The following EYS variants were observed in gnomAD, a reference collection of about 807,000 sequenced individuals.
EYS encodes the protein protein eyes shut homolog.
EYS carries 250 observed loss-of-function variants against 282.1 expected under a neutral mutation model. The observed-to-expected ratio is 0.89, with a 90% CI of 0.80 to 0.98. The LOEUF is 0.98. Ranked by LOEUF, EYS falls within the 50% of genes least tolerant of loss-of-function variation. The pLI, the probability that EYS is intolerant of heterozygous loss-of-function variation, is 0.00. For missense variants in EYS, 4,016 were observed against 3,709.0 expected, an observed-to-expected ratio of 1.08 and a Z score of -2.15; for synonymous variants, 1,355 against 1,282.9, an observed-to-expected ratio of 1.06 and a Z score of -1.20.
chr6:65,218,627 A>G (rs570709101), intron 12 of EYS, among the ~76,000 whole-genome samples: 3 of 152,282 alleles, frequency 2.0e-5, no homozygotes, highest in South Asian at 4.1e-4. Context: ...AAAACACATG[A>G]ATCAGACTTC....
intron 22 of EYS, among the ~76,000 whole-genome samples, chr6:64,707,476 T>C (rs541903305): frequency 6.6e-6 from 1 of 152,120 alleles, no homozygotes; most frequent in Non-Finnish European, 1.5e-5. Context: ...AAGACCATCC[T>C]GGCTAACACA....
intron 28 of EYS, among the ~76,000 whole-genome samples, chr6:64,421,990 G>A (rs1299661908): frequency 6.6e-6 from 1 of 151,192 alleles, no homozygotes; most frequent in Non-Finnish European, 1.5e-5. Flanking sequence ...AACGATTTTG[G>A]CTCCTCCCAA....
At chr6:65,338,652 G>C (rs142392441) in intron 10 of EYS, among the ~76,000 whole-genome samples, 283 of 150,814 alleles carry the variant, frequency 1.9e-3, no homozygotes, top group African/African-American at 6.3e-3. Context: ...TAAATTAGAA[G>C]TTTTATTCTA....
chr6:65,591,283 C>G (rs1765223520), intron 2 of EYS, among the ~76,000 whole-genome samples: 1 of 150,962 alleles, frequency 6.6e-6, no homozygotes. Context: ...CTTATTGCAG[C>G]CCTGACTCCA....
At chr6:64,746,810 T>C (rs1482196473) in intron 22 of EYS, among the ~76,000 whole-genome samples, 1 of 152,260 alleles carries the variant, frequency 6.6e-6, no homozygotes, top group Non-Finnish European at 1.5e-5. Context: ...AATCCTCCTG[T>C]AGGTTGTCCA....
chr6:64,366,331 T>C (rs1374760019), intron 29 of EYS, among the ~76,000 whole-genome samples: 1 of 151,904 alleles, frequency 6.6e-6, no homozygotes, highest in South Asian at 2.1e-4. Flanking sequence ...TCCAAGAAAG[T>C]TGAGATGGTC....
rs886546419 is a variant in EYS at position 64,021,449 on chromosome 6, A to G, written c.6726-22266T>C. ...CAGGGATGCTGGCAAACTTCCTACA[A>G]TGCACAGGACTGCCTGGAATAATAA... On this transcript the variant is annotated intron_variant, in intron 33 of 42. Transcript: ENST00000503581. Among the ~76,000 whole-genome samples, 3 of 152,062 alleles carry G rather than the reference A, an allele frequency of 2.0e-5. No individual in the cohort carries two copies. In the South Asian group the frequency reaches 6.2e-4, roughly 32 times the overall value.
chr6:64,387,702 T>G (rs145491544), intron 29 of EYS, among the ~76,000 whole-genome samples: 1 of 152,116 alleles, frequency 6.6e-6, no homozygotes, highest in Admixed American at 6.6e-5. Context: ...ATTAATGTTA[T>G]AGAAAAAGTC....
At chr6:64,851,487 A>T (rs1470526802) in intron 19 of EYS, among the ~76,000 whole-genome samples, 1 of 152,080 alleles carries the variant, frequency 6.6e-6, no homozygotes, top group Non-Finnish European at 1.5e-5. Context: ...AATACTTGGG[A>T]CTTATTGATT....
intron 29 of EYS, among the ~76,000 whole-genome samples, chr6:64,383,388 T>A (rs1772813109): frequency 6.6e-6 from 1 of 152,164 alleles, no homozygotes. Flanking sequence ...GTGCAAGGAA[T>A]GGGAAATAAT....
intron 22 of EYS, among the ~76,000 whole-genome samples, 162 bp from the exon 23 acceptor site, chr6:64,626,407 A>G (rs1045401700): frequency 6.6e-6 from 1 of 152,150 alleles, no homozygotes; most frequent in Admixed American, 6.5e-5. Context: ...TGGCCCCAAA[A>G]CAGTATGTCT....
chr6:65,567,523 G>A (rs9342486), intron 2 of EYS, among the ~76,000 whole-genome samples: 32,373 of 151,762 alleles, frequency 0.21, 3,827 homozygotes, highest in East Asian at 0.31. Flanking sequence ...AATAAGGCCA[G>A]ATGATCGCTG....
intron 2 of EYS, among the ~76,000 whole-genome samples, chr6:65,633,157 A>C (rs2149809224): frequency 6.6e-6 from 1 of 152,258 alleles, no homozygotes; most frequent in Non-Finnish European, 1.5e-5. Context: ...ATCCATCATA[A>C]GATTTATTTT....
chr6:64,001,667 G>A (rs1370187013), intron 33 of EYS, among the ~76,000 whole-genome samples: 17 of 152,158 alleles, frequency 1.1e-4, no homozygotes, highest in Admixed American at 1.1e-3. Flanking sequence ...ATTAAATCAA[G>A]TAATTTAAAT....
chr6:63,908,036 TTGTGTG>T lies in EYS; in HGVS notation c.7056-43684_7056-43679del, dbSNP rs59753065. 5.5e-3 allele frequency among the ~76,000 whole-genome samples: 439 copies of T among 79,292 alleles called. 5 individuals are homozygous for T. Among genetic ancestry groups the T allele is most frequent in the African/African-American group, 0.016 (379 of 23,562 alleles). 52.0% of individuals were successfully genotyped at this position (79,292 alleles called of 152,430 possible). On this transcript the variant is annotated intron_variant, in intron 35 of 42. Coordinates refer to ENST00000503581, the MANE Select transcript of EYS (RefSeq NM_001142800.2). ...CGTATATATATATATATATATACGT[TTGTGTG>T]TGTGTGTGTGTGTGTGTGTGTGTAA...
rs967796580 is a variant in EYS at position 65,478,233 on chromosome 6, G to T, written c.862+12361C>A. On this transcript the variant is annotated intron_variant, in intron 5 of 42. Transcript: ENST00000503581. ...GAGAAAATATGAATGTATATGGCTT[G>T]TTTATGACACAATCACTAAGACTAG... Among the ~76,000 whole-genome samples, 135 of 150,846 alleles carry T rather than the reference G, an allele frequency of 8.9e-4. 2 individuals are homozygous for T. The highest frequency in any genetic ancestry group is 2.6e-3 in the African/African-American group (109 of 41,162).
At chr6:64,528,055 T>C (rs940162606) in intron 26 of EYS, among the ~76,000 whole-genome samples, 4 of 151,872 alleles carry the variant, frequency 2.6e-5, no homozygotes, top group Admixed American at 2.0e-4. Context: ...TCCCAGGTTC[T>C]GTAGAAAATT....
chr6:65,446,170 G>T (rs2150398036), intron 5 of EYS, among the ~76,000 whole-genome samples: 1 of 151,646 alleles, frequency 6.6e-6, no homozygotes, highest in Admixed American at 6.6e-5. Context: ...TTTGTCCAAA[G>T]GGTGTTAAGA....
At chr6:64,645,640 G>C (rs938947517) in intron 22 of EYS, among the ~76,000 whole-genome samples, 7 of 152,090 alleles carry the variant, frequency 4.6e-5, no homozygotes, top group Admixed American at 3.3e-4. Context: ...GTAATATTTG[G>C]ATTACATTAG....
Sources: allele counts gnomAD v4.1 joint callset (sites outside exome capture counted in the v4.1 genomes callset), GRCh38; gene constraint gnomAD v4.1.1; transcripts MANE v1.5; gene names NCBI Gene and HGNC (gene_info 2026-07-23, HGNC 2026-07-21).